DNAJC15: variants seen among roughly 807,000 people sequenced by gnomAD.
DNAJC15 encodes dnaJ homolog subfamily C member 15.
A neutral mutation model predicts 22.4 loss-of-function variants in DNAJC15; 27 were observed. The observed-to-expected ratio is 1.20, with a 90% CI of 0.89 to 1.66. The LOEUF is 1.66. Ranked by LOEUF, DNAJC15 falls within the 40% of genes most tolerant of loss-of-function variation. The pLI, the probability that DNAJC15 is intolerant of heterozygous loss-of-function variation, is 0.00. For missense variants in DNAJC15, 208 were observed against 187.1 expected, an observed-to-expected ratio of 1.11 and a Z score of -0.65; for synonymous variants, 79 against 63.2, an observed-to-expected ratio of 1.25 and a Z score of -1.19.
intron 1 of DNAJC15, among the ~76,000 whole-genome samples, chr13:43,059,396 G>A (rs905665408): frequency 5.3e-5 from 8 of 151,778 alleles, no homozygotes; most frequent in African/African-American, 1.5e-4. Context: ...TTTTGGAGAC[G>A]GAGTTTTGCT....
At chr13:43,059,844 T>A (rs2040549775) in intron 1 of DNAJC15, among the ~76,000 whole-genome samples, 1 of 152,126 alleles carries the variant, frequency 6.6e-6, no homozygotes, top group Admixed American at 6.6e-5. Flanking sequence ...AGGAGCAATG[T>A]TTCGCGGGCA....
intron 5 of DNAJC15, among the ~76,000 whole-genome samples, chr13:43,091,791 C>T (rs1023998177): frequency 2.6e-5 from 4 of 151,808 alleles, no homozygotes; most frequent in African/African-American, 7.2e-5. Flanking sequence ...TTTCTTTGAC[C>T]TGTGTGTTAT....
chr13:43,045,605 A>G (rs1357491700), intron 1 of DNAJC15, among the ~76,000 whole-genome samples: 1 of 152,214 alleles, frequency 6.6e-6, no homozygotes, highest in African/African-American at 2.4e-5. Context: ...TCTATGGGTA[A>G]CATCGGGTTC....
At chr13:43,054,069 G>A (rs954163684) in intron 1 of DNAJC15, among the ~76,000 whole-genome samples, 1 of 152,026 alleles carries the variant, frequency 6.6e-6, no homozygotes, top group Non-Finnish European at 1.5e-5. Context: ...ATTACCCTAA[G>A]GTATGTTCCT....
intron 3 of DNAJC15, among the ~76,000 whole-genome samples, chr13:43,077,989 C>A (rs139504283): frequency 1.6e-3 from 244 of 152,292 alleles, no homozygotes; most frequent in African/African-American, 5.7e-3. Flanking sequence ...TAGATTAAAT[C>A]GAAGTTAGAT....
At chr13:43,101,905 G>A (rs1358237332) in intron 5 of DNAJC15, among the ~76,000 whole-genome samples, 3 of 152,250 alleles carry the variant, frequency 2.0e-5, no homozygotes. Context: ...GTGTGCAAGT[G>A]TCTTTTTCAC....
chr13:43,083,122 G>A (rs1049793163), intron 4 of DNAJC15, among the ~76,000 whole-genome samples: 5 of 152,006 alleles, frequency 3.3e-5, no homozygotes, highest in Admixed American at 3.3e-4. Flanking sequence ...TTTGGAGGGT[G>A]ATGTAAAATG....
intron 5 of DNAJC15, among the ~76,000 whole-genome samples, chr13:43,101,628 CCA>C (rs2153442272): frequency 6.6e-6 from 1 of 152,240 alleles, no homozygotes; most frequent in East Asian, 1.9e-4. Flanking sequence ...CTTGTGTCCT[CCA>C]AAGTCCATTA....
rs1254949056 is a variant in DNAJC15 at position 43,110,845 on chromosome 13, TCCC to T, written c.*3601_*3603del. The T allele has an allele frequency of 1.3e-5, 2 of 152,084 alleles. No individual in the cohort carries two copies. Among genetic ancestry groups the T allele is most frequent in the Admixed American group, 6.6e-5 (1 of 15,244 alleles). 9.4% of individuals were successfully genotyped at this position (152,084 alleles called of 1,614,324 possible). A position where few individuals can be genotyped will look rare whatever the true frequency, so the allele number is the denominator to read the frequency against. On this transcript the variant is annotated 3_prime_UTR_variant, in exon 6 of 6. Transcript: ENST00000379221. ...AACTGAATTTTCACCAGCCACACCCTCCCCCCAACTCCTTATCTGTAAAAAGCT... is the reference window on the plus strand; with the variant it reads ...AACTGAATTTTCACCAGCCACACCCTCCCAACTCCTTATCTGTAAAAAGCT...
rs77344847 is a variant in DNAJC15, at chr13:43,044,702, C to T, written c.108+20968C>T. ...TGACCATATGTTAGATTCTTAATTA[C>T]GTTTAACTAGCATTGTCCATTATAT... On this transcript the variant is annotated intron_variant, in intron 1 of 5. Coordinates refer to ENST00000379221, the MANE Select transcript of DNAJC15 (RefSeq NM_013238.3). Among the ~76,000 whole-genome samples the T allele has an allele frequency of 2.1e-3, 320 of 152,164 alleles. 9 individuals carry two copies. In the East Asian group the frequency reaches 0.048, roughly 23 times the overall value.
chr13:43,103,599 T>G (rs184899537), intron 5 of DNAJC15, among the ~76,000 whole-genome samples: 44 of 152,356 alleles, frequency 2.9e-4, no homozygotes, highest in African/African-American at 9.9e-4. Context: ...ATGTGCAGTT[T>G]AAAAGAAGAT....
At chr13:43,060,940 G>A (rs2040555925) in intron 1 of DNAJC15, among the ~76,000 whole-genome samples, 1 of 152,208 alleles carries the variant, frequency 6.6e-6, no homozygotes, top group East Asian at 1.9e-4. Flanking sequence ...TGACATGTGA[G>A]TAAAGTCAAT....
intron 5 of DNAJC15, among the ~76,000 whole-genome samples, chr13:43,094,804 G>A (rs1198035175): frequency 6.6e-5 from 10 of 152,092 alleles, no homozygotes. Flanking sequence ...CCTGCCCCCA[G>A]CAGCAGCCTT....
chr13:43,077,065 GCT>G (rs1364157133), intron 3 of DNAJC15, among the ~76,000 whole-genome samples: 1 of 152,152 alleles, frequency 6.6e-6, no homozygotes, highest in African/African-American at 2.4e-5. Context: ...CAGTCTCATG[GCT>G]TTAAATGCTA....
At chr13:43,065,273 G>A (rs17064105) in intron 1 of DNAJC15, among the ~76,000 whole-genome samples, 1 of 152,080 alleles carries the variant, frequency 6.6e-6, no homozygotes, top group Non-Finnish European at 1.5e-5. Flanking sequence ...TTGATGTAAG[G>A]TTTCATGAAA....
chr13:43,026,860 C>A (rs1332197658), intron 1 of DNAJC15, among the ~76,000 whole-genome samples: 15 of 152,046 alleles, frequency 9.9e-5, no homozygotes, highest in Non-Finnish European at 1.5e-5. Context: ...CATAGTGAGA[C>A]CCCTGTCTTT....
intron 5 of DNAJC15, among the ~76,000 whole-genome samples, chr13:43,098,175 T>TTA (rs1173472638): frequency 6.6e-6 from 1 of 152,158 alleles, no homozygotes; most frequent in African/African-American, 2.4e-5. Flanking sequence ...AGGACAGAAT[T>TTA]ATGTTCACTG....
At chr13:43,055,791 T>C (rs1466588326) in intron 1 of DNAJC15, among the ~76,000 whole-genome samples, 1 of 152,184 alleles carries the variant, frequency 6.6e-6, no homozygotes, top group African/African-American at 2.4e-5. Flanking sequence ...TTGTTCTTGT[T>C]TCTCTTTTTC....
intron 3 of DNAJC15, among the ~76,000 whole-genome samples, chr13:43,077,874 C>A (rs942403609): frequency 6.6e-6 from 1 of 152,190 alleles, no homozygotes; most frequent in Non-Finnish European, 1.5e-5. Flanking sequence ...CCTCTGCTAC[C>A]GCCTTAGTTC....
Sources: gnomAD v4.1 joint callset for allele counts (sites outside exome capture counted in the v4.1 genomes callset) on GRCh38, gnomAD v4.1.1 for gene constraint, MANE v1.5 for transcripts, NCBI Gene and HGNC (gene_info 2026-07-23, HGNC 2026-07-21) for gene names.